Variants in KANSL2 observed in about 807,000 individuals in gnomAD.
The protein encoded by KANSL2 is NSL complex protein NSL2.
A neutral mutation model predicts 55.6 loss-of-function variants in KANSL2; 34 were observed. The ratio of observed to expected loss-of-function variants is 0.61; its 90% CI spans 0.46 to 0.81. The LOEUF (loss-of-function observed/expected upper bound fraction) is 0.81. Among genes scored for constraint, KANSL2 ranks in the 40% least tolerant of loss-of-function variants. KANSL2 has a pLI of 0.00. For synonymous variants in KANSL2, 209 were observed against 214.3 expected (o/e 0.98, Z 0.22); for missense variants, 502 against 609.9 (o/e 0.82, Z 1.86).
intron 2 of KANSL2, among the ~76,000 whole-genome samples, chr12:48,680,923 G>A (rs146400283): frequency 6.6e-6 from 1 of 151,650 alleles, no homozygotes. Context: ...AGTGAGCCGA[G>A]ATCTCCACTG....
intron 7 of KANSL2, among the ~76,000 whole-genome samples, chr12:48,662,362 C>T (rs753398932): frequency 1.3e-5 from 2 of 152,206 alleles, no homozygotes; most frequent in Admixed American, 1.3e-4. Flanking sequence ...GCCTCAGCCT[C>T]CCAAAGTGTT....
At chr12:48,680,983 A>T (rs554474700) in intron 2 of KANSL2, among the ~76,000 whole-genome samples, 141 of 146,524 alleles carry the variant, frequency 9.6e-4, no homozygotes, top group African/African-American at 3.6e-3. Context: ...CCCCCCCGCC[A>T]AAAAATTAAC....
chr12:48,680,166 C>A, intron 2 of KANSL2: 1 of 187,756 alleles, frequency 5.3e-6, no homozygotes, highest in Admixed American at 5.5e-5. Flanking sequence ...TTCAAGCGAT[C>A]CTCCTGCCTC....
chr12:48,666,435 G>A (rs1378025998), intron 7 of KANSL2, among the ~76,000 whole-genome samples: 5 of 151,328 alleles, frequency 3.3e-5, no homozygotes, highest in Non-Finnish European at 5.9e-5. Context: ...GCTCATGCCT[G>A]TAATCCCAAC....
At chr12:48,671,686 G>T in intron 5 of KANSL2, 113 bp downstream of exon 5, 2 of 1,166,682 alleles carry the variant, frequency 1.7e-6, no homozygotes, top group Non-Finnish European at 2.4e-6. Context: ...AAGTTTGAAT[G>T]ACAAAAATCA....
chr12:48,662,702 G>C (rs760453542), intron 7 of KANSL2: 42 of 1,251,040 alleles, frequency 3.4e-5, no homozygotes, highest in African/African-American at 6.3e-5. Context: ...CAACTATGGA[G>C]TGGAAAGGAA....
chr12:48,654,171 T>C lies in KANSL2; in HGVS notation c.1352A>G (p.Gln451Arg), dbSNP rs986650872. The change falls in exon 10 of 10, where the codon CAG (glutamine) becomes CGG (arginine). Residue 451 changes from glutamine (Q) to arginine (R), a missense_variant. Physicochemically the swap from Gln to Arg is conservative, Grantham distance 43. Transcript: ENST00000420613. Reference sequence around the variant, plus strand: ...GCACCCATCTCCAGCCATCTGCATCTGGCCCTGTTAAAAGAAATAAAGGCA... The same window carrying C: ...GCACCCATCTCCAGCCATCTGCATCCGGCCCTGTTAAAAGAAATAAAGGCA... ...IAEDPVDILG[Q>R]MQMAGDGCRS... 3 of 1,601,718 alleles carry C rather than the reference T, an allele frequency of 1.9e-6. No homozygotes were observed. Among genetic ancestry groups the C allele is most frequent in the African/African-American group, 1.3e-5 (1 of 74,106 alleles).
In KANSL2 at chr12:48,667,804, G is replaced by A. The variant is rs980226767; in HGVS notation, c.877-15C>T. The A allele has an allele frequency of 1.2e-5, 19 of 1,590,288 alleles. No homozygotes were observed. Among genetic ancestry groups the A allele is most frequent in the Non-Finnish European group, 1.6e-5 (18 of 1,158,706 alleles). ...GTGGTATGGGCCTGAAATGGAAAAA[G>A]ACAGATAAAATAGACCCACAAAAGA... On this transcript the variant is annotated splice_polypyrimidine_tract_variant and intron_variant, in intron 6 of 9. Coordinates refer to ENST00000420613, the MANE Select transcript of KANSL2 (RefSeq NM_017822.4).
In KANSL2 at chr12:48,657,792, T is replaced by C. The variant is rs538879215; in HGVS notation, c.1227+2574A>G. Among the ~76,000 whole-genome samples the C allele has an allele frequency of 7.2e-5, 11 of 152,266 alleles. 1 individual carries two copies. In the South Asian group the frequency reaches 8.3e-4, roughly 11 times the overall value. ...CCACCACATCCAGCTAATTGTTGTA[T>C]TTTTGGTAGAGACGGAGTTTCACCA... On this transcript the variant is annotated intron_variant, in intron 8 of 9. Coordinates refer to ENST00000420613, the MANE Select transcript of KANSL2 (RefSeq NM_017822.4).
At chr12:48,670,009 T>A (rs761162515) in intron 5 of KANSL2, among the ~76,000 whole-genome samples, 2 of 152,002 alleles carry the variant, frequency 1.3e-5, no homozygotes, top group African/African-American at 4.8e-5. Flanking sequence ...GAGAACATCC[T>A]GGCCAACATG....
intron 4 of KANSL2, 101 bp downstream of exon 4, chr12:48,678,935 T>C: frequency 1.3e-6 from 1 of 759,462 alleles, no homozygotes. Flanking sequence ...GACAAATAGC[T>C]GTCTTCAACC....
intron 1 of KANSL2, chr12:48,681,952 C>G: frequency 1.4e-6 from 1 of 702,928 alleles, no homozygotes; most frequent in Non-Finnish European, 2.6e-6. Flanking sequence ...TCCCCGCACG[C>G]CGCCTTTGTC....
At position 48,655,568 on chromosome 12, in the gene KANSL2, CA is replaced by C. The variant is rs11427280; in HGVS notation, c.1228-509del. On this transcript the variant is annotated intron_variant, in intron 8 of 9. Coordinates refer to ENST00000420613, the MANE Select transcript of KANSL2 (RefSeq NM_017822.4). The stretch of plus-strand genomic sequence containing the variant: ...TGGGTGGCAGAGCCAGACCCTGTCT[CA>C]AAAAAAAAAAAAATTCTAGGAAAAT... Among the ~76,000 whole-genome samples, 77 of 143,532 alleles carry C rather than the reference CA, an allele frequency of 5.4e-4. No homozygotes were observed. In the South Asian group the frequency reaches 7.1e-3, roughly 13 times the overall value. 94.2% of individuals were successfully genotyped at this position (143,532 alleles called of 152,430 possible). A position where few individuals can be genotyped will look rare whatever the true frequency, so the allele number is the denominator to read the frequency against.
At chr12:48,671,768 A>G (rs748985159) in intron 5 of KANSL2, 31 bp downstream of exon 5, 1 of 1,589,846 alleles carries the variant, frequency 6.3e-7, no homozygotes, top group East Asian at 2.2e-5. Flanking sequence ...TTAAACCCAC[A>G]ACAGCTTGTT....
At chr12:48,655,339 T>C (rs1290028796) in intron 8 of KANSL2, among the ~76,000 whole-genome samples, 1 of 152,060 alleles carries the variant, frequency 6.6e-6, no homozygotes, top group African/African-American at 2.4e-5. Context: ...GAGGCCAAGG[T>C]AGGCATATCA....
rs764877434 is a variant in KANSL2, at chr12:48,660,351, G to A, written c.1227+15C>T. On this transcript the variant is annotated intron_variant, in intron 8 of 9. Transcript: ENST00000420613. ...TCTCAAGGGCCTGAACCAAAGCAGA[G>A]CTTCTCTAACTTACATCACTGAACT... The A allele has an allele frequency of 1.9e-6, 3 of 1,613,056 alleles. No individual in the cohort carries two copies. The highest frequency in any genetic ancestry group is 1.1e-5 in the South Asian group (1 of 91,038).
intron 7 of KANSL2, among the ~76,000 whole-genome samples, chr12:48,666,479 G>A (rs1488455679): frequency 2.6e-5 from 4 of 151,554 alleles, no homozygotes; most frequent in Non-Finnish European, 5.9e-5. Context: ...GATCACTTGA[G>A]GTCAGGAATT....
At position 48,669,039 on chromosome 12, in the gene KANSL2, G is replaced by A. The variant is rs1243889758; in HGVS notation, c.876+67C>T. 78 of 1,305,314 alleles carry A rather than the reference G, an allele frequency of 6.0e-5. 1 individual carries two copies. The Middle Eastern group carries it at 1.8e-3, about 30-fold the overall frequency. The allele number at this position is 1,305,314 out of a possible 1,614,324, so 80.9% of individuals were successfully genotyped here. A position where few individuals can be genotyped will look rare whatever the true frequency, so the allele number is the denominator to read the frequency against. On this transcript the variant is annotated intron_variant, in intron 6 of 9. Transcript: ENST00000420613. ...AGCCCGAGTGACAGTGCGAGACTCCGTCTCGAAAAAATAAAAACAATAAAT... is the reference window on the plus strand; with the variant it reads ...AGCCCGAGTGACAGTGCGAGACTCCATCTCGAAAAAATAAAAACAATAAAT...
At chr12:48,660,296 C>A in intron 8 of KANSL2, 70 bp downstream of exon 8, 1 of 1,542,518 alleles carries the variant, frequency 6.5e-7, no homozygotes, top group Non-Finnish European at 8.9e-7. Context: ...AAAGACTAAC[C>A]TATTCTCACC....
Sources: gnomAD v4.1 joint callset for allele counts (sites outside exome capture counted in the v4.1 genomes callset) on GRCh38, gnomAD v4.1.1 for gene constraint, MANE v1.5 for transcripts, NCBI Gene and HGNC (gene_info 2026-07-23, HGNC 2026-07-21) for gene names.